The following STAG1 variants were observed in gnomAD, a reference collection of about 807,000 sequenced individuals.
The protein encoded by STAG1 is STAG1 cohesin complex component, also known as cohesin subunit SA-1.
STAG1 carries 26 observed loss-of-function variants against 170.9 expected under a neutral mutation model. The observed-to-expected ratio is 0.15, with a 90% CI of 0.11 to 0.21. STAG1 has a LOEUF of 0.21. Ranked by LOEUF, STAG1 falls within the 10% of genes least tolerant of loss-of-function variation. STAG1 has a pLI of 1.00. For synonymous variants in STAG1, 514 were observed against 497.7 expected, an observed-to-expected ratio of 1.03 and a Z score of -0.44; for missense variants, 964 against 1,509.5, an observed-to-expected ratio of 0.64 and a Z score of 5.99.
In STAG1 at chr3:136,751,936, C is replaced by A. The variant is rs1359961572; in HGVS notation, c.-84+259G>T. 2.7e-5 allele frequency among the ~76,000 whole-genome samples: 4 copies of A among 150,924 alleles called. No homozygotes were observed. In the East Asian group the frequency reaches 7.8e-4, roughly 29 times the overall value. On this transcript the variant is annotated intron_variant, in intron 1 of 33. Transcript: ENST00000383202. ...TGCCCGCGGGAGGGGTGGCAAGCGA[C>A]GAAGACGCCGGGGTGCCCACCGCGC...
At chr3:136,397,453 T>G (rs2087198172) in intron 22 of STAG1, among the ~76,000 whole-genome samples, 1 of 123,202 alleles carries the variant, frequency 8.1e-6, no homozygotes, top group Non-Finnish European at 1.8e-5. Flanking sequence ...CTTTTTTTCT[T>G]TCTTTTTTTT....
intron 16 of STAG1, among the ~76,000 whole-genome samples, chr3:136,425,695 T>G (rs1369112811): frequency 6.7e-6 from 1 of 150,366 alleles, no homozygotes; most frequent in Non-Finnish European, 1.5e-5. Context: ...TGTGTGTGTA[T>G]GTATGTATGT....
intron 16 of STAG1, among the ~76,000 whole-genome samples, 164 bp from the exon 17 acceptor site, chr3:136,423,208 T>C (rs1477987810): frequency 6.6e-6 from 1 of 152,174 alleles, no homozygotes; most frequent in East Asian, 1.9e-4. Flanking sequence ...TTACATAACA[T>C]GCACTACTAC....
intron 23 of STAG1, among the ~76,000 whole-genome samples, chr3:136,369,842 G>A (rs2108295291): frequency 6.6e-6 from 1 of 152,268 alleles, no homozygotes; most frequent in Non-Finnish European, 1.5e-5. Context: ...CCATAAGCTT[G>A]TAATGGAGCT....
intron 12 of STAG1, among the ~76,000 whole-genome samples, chr3:136,469,273 A>T (rs559818700): frequency 6.6e-6 from 1 of 152,216 alleles, no homozygotes; most frequent in Non-Finnish European, 1.5e-5. Flanking sequence ...GCTGATAAGC[A>T]ACTTCAGCAA....
At chr3:136,498,274 C>A (rs1316152412) in intron 9 of STAG1, among the ~76,000 whole-genome samples, 8 of 39,860 alleles carry the variant, frequency 2.0e-4, no homozygotes, top group South Asian at 1.1e-3. Flanking sequence ...ACACACACAC[C>A]ACACACACAT....
rs200757920 is a variant in STAG1 at position 136,406,847 on chromosome 3, T to TAAAG, written c.2197-8019_2197-8018insCTTT. 6.6e-5 allele frequency among the ~76,000 whole-genome samples: 10 copies of TAAAG among 152,230 alleles called. No individual in the cohort carries two copies. The East Asian group carries it at 1.9e-3, about 29-fold the overall frequency. On this transcript the variant is annotated intron_variant, in intron 21 of 33. Transcript: ENST00000383202. The stretch of plus-strand genomic sequence containing the variant: ...AGGTTAACTTCCGTGATTAAAGAAT[T>TAAAG]AAAAGATTTCCCAAAGAATGGATAC...
chr3:136,654,931 A>C (rs913074529), intron 1 of STAG1, among the ~76,000 whole-genome samples: 1 of 152,228 alleles, frequency 6.6e-6, no homozygotes, highest in African/African-American at 2.4e-5. Context: ...GTAATGGAAA[A>C]ACTGGGTAGC....
intron 1 of STAG1, among the ~76,000 whole-genome samples, chr3:136,667,629 GGA>G (rs1166011520): frequency 6.6e-6 from 1 of 152,054 alleles, no homozygotes; most frequent in Non-Finnish European, 1.5e-5. Context: ...CCCAGTAGCT[GGA>G]GTTACAGGCA....
At chr3:136,421,706 A>G (rs1334738589) in intron 19 of STAG1, among the ~76,000 whole-genome samples, 2 of 152,214 alleles carry the variant, frequency 1.3e-5, no homozygotes, top group African/African-American at 4.8e-5. Flanking sequence ...ATGTTTGCTG[A>G]TATCTTGGGC....
rs752249106 is a variant in STAG1 at position 136,630,939 on chromosome 3, T to A, written c.-41A>T. The A allele has an allele frequency of 2.0e-6, 3 of 1,534,144 alleles. No homozygotes were observed. In the South Asian group the frequency reaches 3.8e-5, roughly 19 times the overall value. On this transcript the variant is annotated 5_prime_UTR_variant, in exon 2 of 34. Coordinates refer to ENST00000383202, the MANE Select transcript of STAG1 (RefSeq NM_005862.3). ...TTCACAATGCAGCAAAATAATCAAGTGCTGTACAACTCAAAACTTTTAAAA... is the reference window on the plus strand; with the variant it reads ...TTCACAATGCAGCAAAATAATCAAGAGCTGTACAACTCAAAACTTTTAAAA...
chr3:136,603,125 A>G (rs1307293042), intron 4 of STAG1, among the ~76,000 whole-genome samples: 3 of 152,158 alleles, frequency 2.0e-5, no homozygotes, highest in Non-Finnish European at 4.4e-5. Context: ...GGTAAAAAAT[A>G]TAATAGAAAG....
chr3:136,733,958 T>C (rs961559377), intron 1 of STAG1, among the ~76,000 whole-genome samples: 4 of 151,848 alleles, frequency 2.6e-5, no homozygotes, highest in African/African-American at 7.2e-5. Context: ...ATACAAAAAA[T>C]TAGCCGGGTG....
At chr3:136,344,730 C>CA (rs1260389470) in intron 29 of STAG1, among the ~76,000 whole-genome samples, 2 of 152,058 alleles carry the variant, frequency 1.3e-5, no homozygotes, top group Non-Finnish European at 2.9e-5. Flanking sequence ...TCTCCTGACT[C>CA]AGTGTCTCGA....
intron 1 of STAG1, among the ~76,000 whole-genome samples, chr3:136,701,294 T>C (rs1231800824): frequency 6.6e-6 from 1 of 152,158 alleles, no homozygotes; most frequent in South Asian, 2.1e-4. Flanking sequence ...AGGAAAAACA[T>C]ATTAAAATAC....
intron 1 of STAG1, among the ~76,000 whole-genome samples, chr3:136,715,341 C>T (rs1450474634): frequency 1.3e-5 from 2 of 151,600 alleles, no homozygotes; most frequent in Non-Finnish European, 2.9e-5. Flanking sequence ...ATTATTTAGG[C>T]CCGGTGCAGT....
chr3:136,550,171 A>G lies in STAG1; in HGVS notation c.395-7976T>C, dbSNP rs564029210. Among the ~76,000 whole-genome samples the G allele has an allele frequency of 2.0e-5, 3 of 152,196 alleles. No individual in the cohort carries two copies. In the East Asian group the frequency reaches 5.8e-4, roughly 29 times the overall value. ...CATAAAATGGGTTTACAAGTGTTCC[A>G]TCCTCATCGATTATTTGGAAAAGAC... On this transcript the variant is annotated intron_variant, in intron 5 of 33. Transcript: ENST00000383202.
intron 3 of STAG1, among the ~76,000 whole-genome samples, chr3:136,613,334 AAG>A (rs1559909830): frequency 6.6e-6 from 1 of 150,966 alleles, no homozygotes; most frequent in African/African-American, 2.4e-5. Context: ...AAAAAAAAAA[AAG>A]AAATCAGAGT....
chr3:136,345,092 A>T (rs931527509), intron 29 of STAG1, among the ~76,000 whole-genome samples: 6 of 151,474 alleles, frequency 4.0e-5, no homozygotes, highest in African/African-American at 1.5e-4. Flanking sequence ...ATGGTTTATA[A>T]ATATATATAT....
Sources: allele counts gnomAD v4.1 joint callset (sites outside exome capture counted in the v4.1 genomes callset), GRCh38; gene constraint gnomAD v4.1.1; transcripts MANE v1.5; gene names NCBI Gene and HGNC (gene_info 2026-07-23, HGNC 2026-07-21).